The following PPHLN1 variants were observed in gnomAD, a reference collection of about 807,000 sequenced individuals.
PPHLN1 encodes periphilin 1, also known as periphilin-1.
Under a neutral mutation model 51.3 loss-of-function variants are expected in PPHLN1, and 29 were observed. That is an observed-to-expected ratio of 0.57 (90% confidence interval 0.42 to 0.77). The LOEUF is 0.77. Among genes scored for constraint, PPHLN1 ranks in the 30% least tolerant of loss-of-function variants. The pLI is 0.00. For synonymous variants in PPHLN1, 147 were observed against 147.8 expected, an observed-to-expected ratio of 0.99 and a Z score of 0.04; for missense variants, 436 against 438.4, an observed-to-expected ratio of 0.99 and a Z score of 0.05.
At chr12:42,417,943 G>GTTTTTTTT (rs371302578) in intron 9 of PPHLN1, among the ~76,000 whole-genome samples, 1 of 88,392 alleles carries the variant, frequency 1.1e-5, no homozygotes, top group Admixed American at 1.6e-4. Context: ...TTTTTTTTTT[G>GTTTTTTTT]TTTTTTTTTT....
chr12:42,418,570 T>C (rs2080686070), intron 9 of PPHLN1, among the ~76,000 whole-genome samples: 1 of 152,092 alleles, frequency 6.6e-6, no homozygotes, highest in South Asian at 2.1e-4. Context: ...GCAGTCATAG[T>C]GGCCTCCTCT....
chr12:42,397,557 G>A (rs886105203), intron 8 of PPHLN1, among the ~76,000 whole-genome samples: 1 of 129,476 alleles, frequency 7.7e-6, no homozygotes, highest in African/African-American at 2.8e-5. Context: ...ATAGGCCTAT[G>A]TCTTAGTTTT....
intron 9 of PPHLN1, among the ~76,000 whole-genome samples, chr12:42,426,426 A>T (rs2139780328): frequency 6.6e-6 from 1 of 152,246 alleles, no homozygotes; most frequent in South Asian, 2.1e-4. Flanking sequence ...GCAGTATGAT[A>T]AGGAGTGAAT....
At position 42,441,623 on chromosome 12, in the gene PPHLN1, T is replaced by G. The variant is rs2082974397; in HGVS notation, c.*114T>G. ...TGTGATGCAGAGAAATACTTTATGA[T>G]AGTTGACAACATTTCAGTATTAAAT... On this transcript the variant is annotated 3_prime_UTR_variant, in exon 10 of 10. Transcript: ENST00000358314. 12 of 1,336,640 alleles carry G rather than the reference T, an allele frequency of 9.0e-6. No individual in the cohort carries two copies. Among genetic ancestry groups the G allele is most frequent in the Non-Finnish European group, 1.2e-5 (12 of 1,032,170 alleles). The allele number at this position is 1,336,640 out of a possible 1,614,324, so 82.8% of individuals were successfully genotyped here.
At chr12:42,415,398 C>T (rs1271979894) in intron 9 of PPHLN1, among the ~76,000 whole-genome samples, 2 of 152,214 alleles carry the variant, frequency 1.3e-5, no homozygotes, top group Non-Finnish European at 2.9e-5. Flanking sequence ...TCTTGGAACT[C>T]CTGACCTCAT....
chr12:42,374,955 G>C lies in PPHLN1; in HGVS notation c.392G>C (p.Arg131Thr), dbSNP rs1363400057. The C allele has an allele frequency of 6.2e-7, 1 of 1,613,508 alleles. No individual in the cohort carries two copies. The highest frequency in any genetic ancestry group is 1.1e-5 in the South Asian group (1 of 91,056). ...SPYKRDNTFF[R>T]ESPVGRKDSP... Reference sequence around the variant, plus strand: ...TATAAAAGGGACAATACTTTTTTCAGAGAATCACCTGTTGGCCGAAAGGAT... The same window carrying C: ...TATAAAAGGGACAATACTTTTTTCACAGAATCACCTGTTGGCCGAAAGGAT... The change falls in exon 5 of 10, where the codon AGA (arginine) becomes ACA (threonine). Residue 131 changes from arginine to threonine, a missense_variant. Coordinates refer to ENST00000358314, the MANE Select transcript of PPHLN1 (RefSeq NM_201439.2).
At chr12:42,347,120 A>G (rs1261116811) in intron 2 of PPHLN1, 1 of 152,242 alleles carries the variant, frequency 6.6e-6, no homozygotes, top group African/African-American at 2.4e-5. Flanking sequence ...GGCATGAACC[A>G]GGCCAGAATG....
In PPHLN1 at chr12:42,403,871, G is replaced by A. The variant is rs79688555; in HGVS notation, c.909+4877G>A. 4.5e-3 allele frequency among the ~76,000 whole-genome samples: 692 copies of A among 152,192 alleles called. 1 individual carries two copies. The highest frequency in any genetic ancestry group is 0.016 in the African/African-American group (670 of 41,536). ...CCACTCTCTACCAGTGTTAGGTAAG[G>A]ATTTTACCTAGTGGTTCCAAATTAC... is the stretch of plus-strand genomic sequence containing the variant. On this transcript the variant is annotated intron_variant, in intron 9 of 9. Coordinates refer to ENST00000358314, the MANE Select transcript of PPHLN1 (RefSeq NM_201439.2).
At chr12:42,356,334 G>A (rs911544728) in intron 4 of PPHLN1, among the ~76,000 whole-genome samples, 6 of 152,208 alleles carry the variant, frequency 3.9e-5, no homozygotes, top group Admixed American at 1.3e-4. Context: ...CCCACAGGGC[G>A]ATGTGATAGG....
intron 9 of PPHLN1, among the ~76,000 whole-genome samples, chr12:42,412,094 A>T (rs1289410816): frequency 2.6e-5 from 4 of 151,766 alleles, no homozygotes; most frequent in Non-Finnish European, 5.9e-5. Context: ...AGTCCCAGCT[A>T]CTCGAGAGGC....
intron 9 of PPHLN1, among the ~76,000 whole-genome samples, chr12:42,428,491 C>T (rs1234972327): frequency 6.6e-6 from 1 of 152,128 alleles, no homozygotes; most frequent in Non-Finnish European, 1.5e-5. Context: ...GACTGTTATT[C>T]TAAGTGAAGT....
At chr12:42,355,260 C>T in intron 4 of PPHLN1, 38 bp downstream of exon 4, 1 of 1,532,494 alleles carries the variant, frequency 6.5e-7, no homozygotes, top group Non-Finnish European at 9.0e-7. Context: ...TACTTTGATA[C>T]TTGACTCACT....
In PPHLN1 at chr12:42,378,584, GC is replaced by G. The variant is rs545634610; in HGVS notation, c.511+3513del. ...ATAAATAACAGGTTAAAATAATTAT[GC>G]CCTCATTAAAAAAAATTAATTTTTT... On this transcript the variant is annotated intron_variant, in intron 5 of 9. Transcript: ENST00000358314. Among the ~76,000 whole-genome samples, 255 of 146,550 alleles carry G rather than the reference GC, an allele frequency of 1.7e-3. 1 individual carries two copies. The highest frequency in any genetic ancestry group is 6.3e-3 in the African/African-American group (241 of 38,500).
At chr12:42,342,357 TG>T (rs746618641) in intron 2 of PPHLN1, among the ~76,000 whole-genome samples, 35 of 152,188 alleles carry the variant, frequency 2.3e-4, no homozygotes, top group Non-Finnish European at 4.4e-4. Flanking sequence ...TGGGCTCAAG[TG>T]ATCCTCTCAC....
chr12:42,360,509 C>T (rs73270279), intron 4 of PPHLN1, among the ~76,000 whole-genome samples: 2,421 of 113,938 alleles, frequency 0.021, 72 homozygotes, highest in African/African-American at 0.082. Context: ...TCACTCTTGT[C>T]ACCCAGGCTG....
At chr12:42,340,998 TG>T (rs2071410216) in intron 2 of PPHLN1, among the ~76,000 whole-genome samples, 1 of 149,752 alleles carries the variant, frequency 6.7e-6, no homozygotes. Flanking sequence ...TTTTTTTTTT[TG>T]AGATGGAGTT....
intron 9 of PPHLN1, among the ~76,000 whole-genome samples, chr12:42,429,859 T>A (rs1259660151): frequency 6.6e-6 from 1 of 152,234 alleles, no homozygotes; most frequent in African/African-American, 2.4e-5. Flanking sequence ...TTTGAAAATT[T>A]TTGTATACCC....
rs116083306 is a variant in PPHLN1, at chr12:42,331,395, G to A, written c.-20-4488G>A. Reference sequence around the variant, plus strand: ...ATTATCTTGACTTTGGATTCAGAGTGTTAATGGTTTGACAGAAGGATATTG... The same window carrying A: ...ATTATCTTGACTTTGGATTCAGAGTATTAATGGTTTGACAGAAGGATATTG... On this transcript the variant is annotated intron_variant, in intron 1 of 9. Transcript: ENST00000358314. 4.7e-3 allele frequency among the ~76,000 whole-genome samples: 710 copies of A among 152,340 alleles called. 7 individuals are homozygous for A. Among genetic ancestry groups the A allele is most frequent in the African/African-American group, 0.016 (683 of 41,570 alleles).
intron 5 of PPHLN1, among the ~76,000 whole-genome samples, chr12:42,377,301 C>CTTTTTTTTTTTTTTT (rs11297368): frequency 9.5e-6 from 1 of 105,000 alleles, no homozygotes. Context: ...TTTTTTCTTT[C>CTTTTTTTTTTTTTTT]TTTTTTTTTT....
Sources: gnomAD v4.1 joint callset for allele counts (sites outside exome capture counted in the v4.1 genomes callset) on GRCh38, gnomAD v4.1.1 for gene constraint, MANE v1.5 for transcripts, NCBI Gene and HGNC (gene_info 2026-07-23, HGNC 2026-07-21) for gene names.